The following PXDNL variants were observed in gnomAD, a reference collection of about 807,000 sequenced individuals.
PXDNL encodes the protein probable oxidoreductase PXDNL.
In PXDNL, 145 loss-of-function variants were observed where a neutral mutation model predicts 150.8. The observed-to-expected ratio is 0.96, with a 90% confidence interval of 0.84 to 1.10. The LOEUF (loss-of-function observed/expected upper bound fraction) is 1.10, where lower values mean the gene tolerates loss of function less well. PXDNL is among the 50% of genes least tolerant of loss of function. The pLI is 0.00. For missense variants in PXDNL, 2,087 were observed against 1,873.9 expected, an observed-to-expected ratio of 1.11 and a Z score of -2.10; for synonymous variants, 757 against 725.7, an observed-to-expected ratio of 1.04 and a Z score of -0.69.
At chr8:51,400,072 C>T (rs1204271094) in intron 17 of PXDNL, among the ~76,000 whole-genome samples, 1 of 152,176 alleles carries the variant, frequency 6.6e-6, no homozygotes, top group African/African-American at 2.4e-5. Flanking sequence ...GAAGAATTTA[C>T]ATACAGGTTG....
At chr8:51,705,835 G>A (rs562538201) in intron 1 of PXDNL, among the ~76,000 whole-genome samples, 37 of 8,334 alleles carry the variant, frequency 4.4e-3, no homozygotes, top group Non-Finnish European at 6.9e-4. Flanking sequence ...GTGTGTGTGC[G>A]CGCGCGCGCG....
intron 2 of PXDNL, among the ~76,000 whole-genome samples, chr8:51,599,134 G>C (rs1813637791): frequency 6.6e-6 from 1 of 151,888 alleles, no homozygotes; most frequent in East Asian, 1.9e-4. Flanking sequence ...TTTTCTCTTT[G>C]TTAATCTAGC....
At chr8:51,373,556 T>TA (rs1280924098) in intron 18 of PXDNL, among the ~76,000 whole-genome samples, 1 of 152,216 alleles carries the variant, frequency 6.6e-6, no homozygotes, top group Non-Finnish European at 1.5e-5. Flanking sequence ...AAAATGATTT[T>TA]AAAAAATTAA....
At chr8:51,457,379 T>C in intron 9 of PXDNL, 119 bp downstream of exon 9, 1 of 843,992 alleles carries the variant, frequency 1.2e-6, no homozygotes, top group Non-Finnish European at 1.7e-6. Flanking sequence ...AAAACAAAAT[T>C]TAAAAAATCA....
intron 3 of PXDNL, among the ~76,000 whole-genome samples, chr8:51,586,312 C>A (rs563245200): frequency 1.6e-4 from 25 of 152,282 alleles, no homozygotes; most frequent in African/African-American, 6.0e-4. Context: ...GAGAAATTGC[C>A]AGCTATGTGA....
chr8:51,411,305 C>T lies in PXDNL; in HGVS notation c.2007G>A (p.Leu669=). 1 of 1,577,136 alleles carries T rather than the reference C, an allele frequency of 6.3e-7. No homozygotes were observed. Among genetic ancestry groups the T allele is most frequent in the Non-Finnish European group, 8.6e-7 (1 of 1,164,628 alleles). Residue 669 remains leucine, a synonymous_variant, in exon 16 of 23, where the codon CTG becomes CTA. Transcript: ENST00000356297. ...ARAGEIFEHT[L]QLIRERVKQG... ...GCTTCACACGTTCCCGTATCAGCTG[C>T]AGCGTGTGCTCAAAAATCTCCCCTG...
chr8:51,431,875 T>C (rs537227563), intron 12 of PXDNL, among the ~76,000 whole-genome samples: 53 of 152,340 alleles, frequency 3.5e-4, no homozygotes, highest in Non-Finnish European at 6.0e-4. Flanking sequence ...CATTTGTTAA[T>C]TGAATTCTTT....
intron 19 of PXDNL, among the ~76,000 whole-genome samples, chr8:51,347,918 A>C (rs2130708087): frequency 6.6e-6 from 1 of 152,344 alleles, no homozygotes; most frequent in South Asian, 2.1e-4. Flanking sequence ...AAAAATACAT[A>C]GAAATATTTA....
At chr8:51,655,237 A>C (rs1410544105) in intron 1 of PXDNL, among the ~76,000 whole-genome samples, 1 of 152,216 alleles carries the variant, frequency 6.6e-6, no homozygotes, top group East Asian at 1.9e-4. Flanking sequence ...CCTTCTACAA[A>C]GTATTAAATC....
At chr8:51,383,694 T>C (rs1321230192) in intron 17 of PXDNL, among the ~76,000 whole-genome samples, 1 of 151,670 alleles carries the variant, frequency 6.6e-6, no homozygotes, top group Non-Finnish European at 1.5e-5. Context: ...ACAGTCTAGC[T>C]ATATTTTAAA....
In PXDNL at chr8:51,567,737, C is replaced by T. The variant is rs145248040; in HGVS notation, c.309-10826G>A. ...TTCAGTATCCATAAGGGATTGGTTTCAGGACCTCTCGAGGACACCAAAATC... is the reference window on the plus strand; with the variant it reads ...TTCAGTATCCATAAGGGATTGGTTTTAGGACCTCTCGAGGACACCAAAATC... On this transcript the variant is annotated intron_variant, in intron 3 of 22. Coordinates refer to ENST00000356297, the MANE Select transcript of PXDNL (RefSeq NM_144651.5). Among the ~76,000 whole-genome samples, 676 of 151,764 alleles carry T rather than the reference C, an allele frequency of 4.5e-3. 3 individuals are homozygous for T. Among genetic ancestry groups the T allele is most frequent in the Non-Finnish European group, 7.4e-3 (499 of 67,780 alleles).
At chr8:51,577,521 CA>C (rs1813081463) in intron 3 of PXDNL, among the ~76,000 whole-genome samples, 1 of 148,490 alleles carries the variant, frequency 6.7e-6, no homozygotes. Context: ...AGAGAGAAAA[CA>C]CAAGTACCAA....
intron 4 of PXDNL, among the ~76,000 whole-genome samples, chr8:51,501,026 G>T (rs575419466): frequency 1.9e-4 from 29 of 152,262 alleles, no homozygotes; most frequent in African/African-American, 6.3e-4. Context: ...ACAAGAGAAT[G>T]AAAACCATGT....
intron 1 of PXDNL, among the ~76,000 whole-genome samples, chr8:51,798,765 A>G (rs1160451225): frequency 6.6e-6 from 1 of 152,200 alleles, no homozygotes; most frequent in African/African-American, 2.4e-5. Context: ...ATTGTGGAAG[A>G]CAGTGTGGTG....
intron 1 of PXDNL, among the ~76,000 whole-genome samples, chr8:51,739,959 A>C (rs543723161): frequency 1.3e-5 from 2 of 152,250 alleles, no homozygotes; most frequent in East Asian, 3.9e-4. Context: ...AACCATTTAC[A>C]ATCACACCAA....
intron 17 of PXDNL, among the ~76,000 whole-genome samples, chr8:51,378,811 A>C (rs946344147): frequency 1.3e-5 from 2 of 152,208 alleles, no homozygotes; most frequent in Admixed American, 1.3e-4. Context: ...TCCTGAAGCC[A>C]GCAAGACTAT....
In PXDNL at chr8:51,688,706, A is replaced by G. The variant is rs137879265; in HGVS notation, c.165-33946T>C. On this transcript the variant is annotated intron_variant, in intron 1 of 22. Coordinates refer to ENST00000356297, the MANE Select transcript of PXDNL (RefSeq NM_144651.5). The stretch of plus-strand genomic sequence containing the variant: ...CCACAACCATATCTGTACAGTCACT[A>G]CTCTTTAAGGAGAAATCAAGCACTA... Among the ~76,000 whole-genome samples, 222 of 152,230 alleles carry G rather than the reference A, an allele frequency of 1.5e-3. 1 individual carries two copies. Among genetic ancestry groups the G allele is most frequent in the African/African-American group, 5.1e-3 (211 of 41,540 alleles).
chr8:51,544,903 C>T (rs1026631944), intron 4 of PXDNL, among the ~76,000 whole-genome samples: 1 of 143,902 alleles, frequency 6.9e-6, no homozygotes. Flanking sequence ...AAAATAAAGG[C>T]AGTATAAAAA....
intron 4 of PXDNL, among the ~76,000 whole-genome samples, chr8:51,535,742 A>T (rs1812059942): frequency 6.8e-6 from 1 of 147,340 alleles, no homozygotes; most frequent in Non-Finnish European, 1.5e-5. Context: ...AATAAATAAA[A>T]ATAAAGTTTG....
Sources: gnomAD v4.1 joint callset for allele counts (sites outside exome capture counted in the v4.1 genomes callset) on GRCh38, gnomAD v4.1.1 for gene constraint, MANE v1.5 for transcripts, NCBI Gene and HGNC (gene_info 2026-07-23, HGNC 2026-07-21) for gene names.